RAB17: variants seen among roughly 807,000 people sequenced by gnomAD.
RAB17 encodes ras-related protein Rab-17.
In RAB17, 15 loss-of-function variants were observed where a neutral mutation model predicts 19.3. The observed-to-expected ratio is 0.78, with a 90% CI of 0.52 to 1.20. RAB17 has a LOEUF of 1.20. Ranked by LOEUF, RAB17 falls within the 50% of genes most tolerant of loss-of-function variation. The pLI, the probability that RAB17 is intolerant of heterozygous loss-of-function variation, is 0.00. For synonymous variants in RAB17, 110 were observed against 112.8 expected, an observed-to-expected ratio of 0.97 and a Z score of 0.16; for missense variants, 262 against 269.3, an observed-to-expected ratio of 0.97 and a Z score of 0.19.
rs376729614 is a variant in RAB17, at chr2:237,575,407, G to A, written c.509C>T (p.Ser170Leu). 33 of 1,611,742 alleles carry A rather than the reference G, an allele frequency of 2.0e-5. No individual in the cohort carries two copies. The highest frequency in any genetic ancestry group is 3.9e-4 in the Middle Eastern group (2 of 5,172). The change falls in exon 5 of 6, where the codon TCG (serine) becomes TTG (leucine). Residue 170 changes from serine to leucine, a missense_variant. By Grantham distance (145) the Ser-to-Leu change is moderately radical. Transcript: ENST00000264601. ...ETSAKLNHQV[S>L]EVFNTVAQEL... ...CTCACCCACTGTATTGAACACCTCC[G>A]ACACCTGGTGGTTCAGTTTGGCCGA...
chr2:237,577,119 A>T, intron 4 of RAB17, 138 bp downstream of exon 4: 1 of 1,021,232 alleles, frequency 9.8e-7, no homozygotes, highest in Non-Finnish European at 1.4e-6. Flanking sequence ...GTGGGCGTGT[A>T]GAGGTGTGTG....
chr2:237,576,277 A>G (rs1030099629), intron 4 of RAB17, among the ~76,000 whole-genome samples: 4 of 151,992 alleles, frequency 2.6e-5, no homozygotes, highest in African/African-American at 9.7e-5. Context: ...TGAGCTCCCC[A>G]GCCAGCTCCC....
intron 2 of RAB17, among the ~76,000 whole-genome samples, chr2:237,582,513 C>A (rs1427048564): frequency 1.3e-5 from 2 of 152,220 alleles, no homozygotes; most frequent in Non-Finnish European, 2.9e-5. Context: ...TCCATCCTGT[C>A]CCTCCCTCGG....
chr2:237,574,713 C>T lies in RAB17; in HGVS notation c.*306G>A. 1 of 1,419,040 alleles carries T rather than the reference C, an allele frequency of 7.0e-7. No homozygotes were observed. The highest frequency in any genetic ancestry group is 1.6e-5 in the South Asian group (1 of 62,750). The allele number at this position is 1,419,040 out of a possible 1,614,324, so 87.9% of individuals were successfully genotyped here. ...GCGGGGACTTTTCCAATCCTTCCTT[C>T]CTCTCTGTCCAGAGGCTGCCAGGCT... On this transcript the variant is annotated 3_prime_UTR_variant, in exon 6 of 6. Coordinates refer to ENST00000264601, the MANE Select transcript of RAB17 (RefSeq NM_022449.4).
chr2:237,586,029 G>A lies in RAB17; in HGVS notation c.126C>T (p.Asn42=), dbSNP rs367853877. The change falls in exon 2 of 6, where the codon AAC becomes AAT. Residue 42 remains asparagine, a synonymous_variant. Transcript: ENST00000264601. Reference sequence around the variant, plus strand: ...CCGTAGGCAGGATACTCTTGAAGTCGTTCTTCACGTACCGAAGAGCCAAGC... The same window carrying A: ...CCGTAGGCAGGATACTCTTGAAGTCATTCTTCACGTACCGAAGAGCCAAGC... ...KSSLALRYVK[N]DFKSILPTVG... is the part of the protein sequence containing the mutation. 2.0e-5 allele frequency: 32 copies of A among 1,612,382 alleles called. No individual in the cohort carries two copies. The highest frequency in any genetic ancestry group is 1.7e-4 in the Middle Eastern group (1 of 6,048).
rs934832845 is a variant in RAB17, at chr2:237,575,985, A to C, written c.436-505T>G. The C allele has an allele frequency of 3.7e-5, 6 of 160,468 alleles. No homozygotes were observed. In the South Asian group the frequency reaches 1.1e-3, roughly 29 times the overall value. 9.9% of individuals were successfully genotyped at this position (160,468 alleles called of 1,614,324 possible). A position where few individuals can be genotyped will look rare whatever the true frequency, so the allele number is the denominator to read the frequency against. ...TTGCAACGGGTGACCAGGAGAAAGC[A>C]TTCATGGGAAGGCCACAGCCTTGCC... is the stretch of plus-strand genomic sequence containing the variant. On this transcript the variant is annotated intron_variant, in intron 4 of 5. Coordinates refer to ENST00000264601, the MANE Select transcript of RAB17 (RefSeq NM_022449.4).
chr2:237,575,678 G>C (rs934294075), intron 4 of RAB17, 198 bp from the exon 5 acceptor site: 10 of 543,544 alleles, frequency 1.8e-5, no homozygotes, highest in Non-Finnish European at 3.3e-5. Context: ...CCCTGGAAGA[G>C]GCTCTTCCTC....
chr2:237,590,326 GAC>G (rs1299758732), intron 1 of RAB17, 139 bp downstream of exon 1: 4 of 152,080 alleles, frequency 2.6e-5, no homozygotes, highest in Admixed American at 1.3e-4. Flanking sequence ...CACATGCACA[GAC>G]ACAAACAAAT....
Position 237,586,171 on chromosome 2 carries a change from C to T in RAB17, c.-3-14G>A, listed in dbSNP as rs372259528. The T allele has an allele frequency of 1.3e-6, 2 of 1,572,554 alleles. No homozygotes were observed. Among genetic ancestry groups the T allele is most frequent in the African/African-American group, 2.8e-5 (2 of 72,384 alleles). On this transcript the variant is annotated splice_polypyrimidine_tract_variant and intron_variant, in intron 1 of 5. Transcript: ENST00000264601. Reference sequence around the variant, plus strand: ...CTGTGCCATGCCCTGCAAAGAATCACAACCGTCTGAAGCAAGTGGAACATC... The same window carrying T: ...CTGTGCCATGCCCTGCAAAGAATCATAACCGTCTGAAGCAAGTGGAACATC...
intron 2 of RAB17, among the ~76,000 whole-genome samples, chr2:237,582,288 C>A (rs1165117738): frequency 1.3e-5 from 2 of 152,240 alleles, no homozygotes; most frequent in Admixed American, 6.5e-5. Flanking sequence ...CCACCCCACA[C>A]ACCTGTCGAC....
intron 3 of RAB17, chr2:237,577,646 G>T: frequency 2.1e-6 from 1 of 486,156 alleles, no homozygotes. Flanking sequence ...CCAGCCACGG[G>T]GTATTTCAGG....
chr2:237,574,795 A>C lies in RAB17; in HGVS notation c.*224T>G. 1 of 986,578 alleles carries C rather than the reference A, an allele frequency of 1.0e-6. No individual in the cohort carries two copies. 61.1% of individuals were successfully genotyped at this position (986,578 alleles called of 1,614,324 possible). ...AGGCATCGGGGAATCAGATGGTATCAGTGGGGATAGGGCACAGCACTTTCC... is the reference window on the plus strand; with the variant it reads ...AGGCATCGGGGAATCAGATGGTATCCGTGGGGATAGGGCACAGCACTTTCC... On this transcript the variant is annotated 3_prime_UTR_variant, in exon 6 of 6. Coordinates refer to ENST00000264601, the MANE Select transcript of RAB17 (RefSeq NM_022449.4).
chr2:237,584,287 C>T (rs536383055), intron 2 of RAB17, among the ~76,000 whole-genome samples: 5 of 152,170 alleles, frequency 3.3e-5, no homozygotes, highest in African/African-American at 9.6e-5. Context: ...CACCCTCCTA[C>T]GCTCCAACCG....
At chr2:237,589,136 C>T (rs1291236127) in intron 1 of RAB17, among the ~76,000 whole-genome samples, 3 of 151,296 alleles carry the variant, frequency 2.0e-5, no homozygotes, top group African/African-American at 7.4e-5. Context: ...AGGAAAATCG[C>T]TTGAACCCAG....
chr2:237,581,737 C>T (rs531230806), intron 2 of RAB17, among the ~76,000 whole-genome samples: 8 of 152,186 alleles, frequency 5.3e-5, no homozygotes, highest in Non-Finnish European at 1.2e-4. Flanking sequence ...GGCTCTAGGA[C>T]GTCAGCCACG....
At chr2:237,585,247 T>C (rs2081340555) in intron 2 of RAB17, among the ~76,000 whole-genome samples, 1 of 152,058 alleles carries the variant, frequency 6.6e-6, no homozygotes, top group Non-Finnish European at 1.5e-5. Context: ...CTTATCCATG[T>C]CAGAGTCCGA....
intron 2 of RAB17, chr2:237,579,021 A>T (rs1003943892): frequency 1.3e-5 from 2 of 152,188 alleles, no homozygotes; most frequent in Non-Finnish European, 2.9e-5. Context: ...CCAAAGTTAT[A>T]TGATTTTAAA....
intron 2 of RAB17, chr2:237,578,412 G>T: frequency 2.6e-6 from 1 of 385,916 alleles, no homozygotes; most frequent in Non-Finnish European, 4.7e-6. Context: ...ATCTCTCCAG[G>T]ACCTAATACA....
In RAB17 at chr2:237,575,027, C is replaced by T. The variant is rs775097225; in HGVS notation, c.631G>A (p.Ala211Thr). ...KGPARQAKCC[A>T]H ...CCCAGGAGTGGCTGCACCTAGTGGG[C>T]GCAGCATTTGGCCTGCCTCGCGGGC... The change falls in exon 6 of 6, where the codon GCC (alanine) becomes ACC (threonine). Residue 211 changes from alanine to threonine, a missense_variant. Coordinates refer to ENST00000264601, the MANE Select transcript of RAB17 (RefSeq NM_022449.4). The T allele has an allele frequency of 3.7e-5, 59 of 1,609,002 alleles. No homozygotes were observed. Among genetic ancestry groups the T allele is most frequent in the Admixed American group, 2.2e-4 (13 of 59,798 alleles).
Sources: gnomAD v4.1 joint callset for allele counts (sites outside exome capture counted in the v4.1 genomes callset) on GRCh38, gnomAD v4.1.1 for gene constraint, MANE v1.5 for transcripts, NCBI Gene and HGNC (gene_info 2026-07-23, HGNC 2026-07-21) for gene names.